PCNT: variants seen among roughly 807,000 people sequenced by gnomAD.
The protein encoded by PCNT is kendrin.
Under a neutral mutation model 380.4 loss-of-function variants are expected in PCNT, and 319 were observed. The ratio of observed to expected loss-of-function variants is 0.84; its 90% CI spans 0.77 to 0.92. The LOEUF is 0.92. Among genes scored for constraint, PCNT ranks in the 40% least tolerant of loss-of-function variants. The pLI, the probability that PCNT is intolerant of heterozygous loss-of-function variation, is 0.00. For synonymous variants in PCNT, 1,845 were observed against 1,735.2 expected, an observed-to-expected ratio of 1.06 and a Z score of -1.57; for missense variants, 4,400 against 4,255.3, an observed-to-expected ratio of 1.03 and a Z score of -0.95.
chr21:46,353,949 T>C (rs1469373512), intron 10 of PCNT, 38 bp from the exon 11 acceptor site: 3 of 1,537,930 alleles, frequency 2.0e-6, no homozygotes, highest in Non-Finnish European at 2.7e-6. Flanking sequence ...GGAAAAGGGG[T>C]ACGTGTGTAA....
Position 46,396,924 on chromosome 21 carries a change from G to T in PCNT, c.4217-341G>T, listed in dbSNP as rs118147673. ...GACCTAGATTCGCTTTTGATTTACC[G>T]ATGGGGCGTTTGCCTTTCCCCTAGA... On this transcript the variant is annotated intron_variant, in intron 21 of 46. Coordinates refer to ENST00000359568, the MANE Select transcript of PCNT (RefSeq NM_006031.6). Among the ~76,000 whole-genome samples the T allele has an allele frequency of 9.0e-3, 1,369 of 152,232 alleles. 5 individuals are homozygous for T. The highest frequency in any genetic ancestry group is 0.015 in the Non-Finnish European group (1,039 of 68,020).
intron 32 of PCNT, among the ~76,000 whole-genome samples, chr21:46,423,863 G>A (rs1226396863): frequency 2.0e-5 from 3 of 150,936 alleles, no homozygotes; most frequent in Non-Finnish European, 3.0e-5. Flanking sequence ...AGGAAGAGGA[G>A]GAACTGCTGT....
At chr21:46,324,475 A>G (rs1339919761) in intron 1 of PCNT, among the ~76,000 whole-genome samples, 193 bp downstream of exon 1, 3 of 150,664 alleles carry the variant, frequency 2.0e-5, no homozygotes, top group Non-Finnish European at 4.4e-5. Context: ...GCTCTCCGCC[A>G]GGTCCCGCCC....
chr21:46,381,543 C>G, intron 15 of PCNT, 151 bp from the exon 16 acceptor site: 1 of 717,996 alleles, frequency 1.4e-6, no homozygotes, highest in Non-Finnish European at 2.4e-6. Flanking sequence ...CCCATGTTTT[C>G]TTTGATGGGG....
At chr21:46,337,211 A>T (rs2083773496) in intron 3 of PCNT, among the ~76,000 whole-genome samples, 1 of 152,064 alleles carries the variant, frequency 6.6e-6, no homozygotes, top group Non-Finnish European at 1.5e-5. Flanking sequence ...TCCTGACCTC[A>T]GATGATCCAC....
At chr21:46,444,854 C>G in intron 46 of PCNT, 33 bp downstream of exon 46, 1 of 1,601,146 alleles carries the variant, frequency 6.2e-7, no homozygotes, top group East Asian at 2.2e-5. Context: ...ATTTATTAAG[C>G]TGATTATCAC....
chr21:46,383,293 C>T (rs1304571657), intron 16 of PCNT, among the ~76,000 whole-genome samples: 16 of 141,138 alleles, frequency 1.1e-4, no homozygotes, highest in Non-Finnish European at 1.2e-4. Context: ...CATTCAGCAG[C>T]GGAAGCGCAT....
chr21:46,390,741 G>C lies in PCNT; in HGVS notation c.3912G>C (p.Gln1304His), dbSNP rs759078154. The C allele has an allele frequency of 4.3e-6, 7 of 1,613,766 alleles. No homozygotes were observed. The highest frequency in any genetic ancestry group is 2.2e-5 in the East Asian group (1 of 44,886). ...GTTTTAAGAATGAGGAGACAGCACAGGTTGTCAGGAAGCACCAGGAGCTGC... is the reference window on the plus strand; with the variant it reads ...GTTTTAAGAATGAGGAGACAGCACACGTTGTCAGGAAGCACCAGGAGCTGC... ...EFSFKNEETA[Q>H]VVRKHQELLE... The change falls in exon 20 of 47, where the codon CAG (glutamine) becomes CAC (histidine). Residue 1304 changes from glutamine (Q) to histidine (H), a missense_variant. Coordinates refer to ENST00000359568, the MANE Select transcript of PCNT (RefSeq NM_006031.6).
chr21:46,377,271 A>G (rs1180307893), intron 15 of PCNT, among the ~76,000 whole-genome samples: 5 of 152,198 alleles, frequency 3.3e-5, no homozygotes, highest in African/African-American at 4.8e-5. Context: ...GGAGCCGGCA[A>G]TCCACCCCAG....
intron 15 of PCNT, among the ~76,000 whole-genome samples, chr21:46,373,749 T>TGGG (rs1555966220): frequency 9.1e-4 from 74 of 81,216 alleles, no homozygotes; most frequent in Middle Eastern, 8.1e-3. Flanking sequence ...TTTTTTTTTT[T>TGGG]GGGCGGAGTC....
At chr21:46,368,159 C>CAA (rs910278108) in intron 15 of PCNT, among the ~76,000 whole-genome samples, 4 of 142,870 alleles carry the variant, frequency 2.8e-5, no homozygotes, top group African/African-American at 1.0e-4. Flanking sequence ...GACCCTGTCT[C>CAA]AAAAAAAAAA....
rs372049859 is a variant in PCNT at position 46,391,264 on chromosome 21, G to A, written c.4104G>A (p.Leu1368=). 2 of 1,599,496 alleles carry A rather than the reference G, an allele frequency of 1.3e-6. No homozygotes were observed. Among genetic ancestry groups the A allele is most frequent in the African/African-American group, 2.7e-5 (2 of 74,970 alleles). ...EHRLVLELES[L]RRQLQQAAQE... is the part of the protein sequence containing the mutation. ...GTCTGGTGCTGGAGCTGGAGAGCCT[G>A]AGACGGCAGCTGCAGCAGGCGGCCC... Residue 1368 remains leucine (L), a synonymous_variant, in exon 21 of 47, where the codon CTG becomes CTA. Coordinates refer to ENST00000359568, the MANE Select transcript of PCNT (RefSeq NM_006031.6).
chr21:46,367,834 CT>C (rs111657000), intron 15 of PCNT, among the ~76,000 whole-genome samples: 100,742 of 151,902 alleles, frequency 0.66, 33,987 homozygotes, highest in African/African-American at 0.77. Flanking sequence ...TGGTCCCCTC[CT>C]TTTATTGATG....
chr21:46,325,086 G>A (rs1373344141), intron 1 of PCNT: 1 of 985,390 alleles, frequency 1.0e-6, no homozygotes, highest in Non-Finnish European at 1.2e-6. Flanking sequence ...AAAAGCGCTC[G>A]GTTTGATGGC....
chr21:46,356,924 T>C, intron 12 of PCNT, 50 bp from the exon 13 acceptor site: 1 of 1,546,236 alleles, frequency 6.5e-7, no homozygotes, highest in East Asian at 2.2e-5. Flanking sequence ...GTGGGCTCCA[T>C]CGAGGGCCGG....
intron 39 of PCNT, 43 bp downstream of exon 39, chr21:46,436,191 C>A: frequency 1.3e-6 from 2 of 1,598,848 alleles, no homozygotes; most frequent in Non-Finnish European, 1.7e-6. Flanking sequence ...CCCTTGCAGC[C>A]ACCCCTCTGT....
intron 31 of PCNT, among the ~76,000 whole-genome samples, chr21:46,420,360 T>G (rs2147826980): frequency 6.6e-6 from 1 of 152,374 alleles, no homozygotes; most frequent in Non-Finnish European, 1.5e-5. Context: ...AGAGGTTTTC[T>G]TTAGAACTTT....
intron 3 of PCNT, among the ~76,000 whole-genome samples, chr21:46,342,530 C>CTTTCTTTTTTTTT (rs1055786167): frequency 6.7e-6 from 1 of 149,282 alleles, no homozygotes; most frequent in Non-Finnish European, 1.5e-5. Context: ...GTCATCAATT[C>CTTTCTTTTTTTTT]TTTCTTTTTT....
At chr21:46,397,677 G>A (rs974878705) in intron 22 of PCNT, among the ~76,000 whole-genome samples, 183 bp downstream of exon 22, 5 of 152,138 alleles carry the variant, frequency 3.3e-5, no homozygotes, top group Non-Finnish European at 5.9e-5. Context: ...ACATGTTGTG[G>A]CGCAGCCCTC....
Sources: allele counts gnomAD v4.1 joint callset (sites outside exome capture counted in the v4.1 genomes callset), GRCh38; gene constraint gnomAD v4.1.1; transcripts MANE v1.5; gene names NCBI Gene and HGNC (gene_info 2026-07-23, HGNC 2026-07-21).